The following FRS2 variants were observed in gnomAD, a reference collection of about 807,000 sequenced individuals.
The protein encoded by FRS2 is FGFR signalling adaptor.
FRS2 carries 8 observed loss-of-function variants against 43.9 expected under a neutral mutation model. That is an observed-to-expected ratio of 0.18 (90% confidence interval 0.11 to 0.33). The LOEUF is 0.33. FRS2 is among the 10% of genes least tolerant of loss of function. The pLI, the probability that FRS2 is intolerant of heterozygous loss-of-function variation, is 1.00. For synonymous variants in FRS2, 219 were observed against 220.3 expected (o/e 0.99, Z 0.05); for missense variants, 534 against 627.6 (o/e 0.85, Z 1.59).
intron 3 of FRS2, among the ~76,000 whole-genome samples, chr12:69,538,469 T>G (rs1877559097): frequency 6.6e-6 from 1 of 151,948 alleles, no homozygotes; most frequent in African/African-American, 2.4e-5. Context: ...TTTATATGTT[T>G]AAGCTAAAAT....
At chr12:69,475,821 T>C (rs953988913) in intron 1 of FRS2, among the ~76,000 whole-genome samples, 1 of 152,218 alleles carries the variant, frequency 6.6e-6, no homozygotes, top group Non-Finnish European at 1.5e-5. Flanking sequence ...TGTCAGTTCA[T>C]GACAGAGTTT....
At chr12:69,517,177 G>C (rs1244773872) in intron 1 of FRS2, among the ~76,000 whole-genome samples, 3 of 152,190 alleles carry the variant, frequency 2.0e-5, no homozygotes, top group Non-Finnish European at 2.9e-5. Context: ...AACCACCACA[G>C]ATTGTCCACG....
chr12:69,565,213 G>A (rs1179015195), intron 4 of FRS2, among the ~76,000 whole-genome samples: 1 of 152,168 alleles, frequency 6.6e-6, no homozygotes, highest in Non-Finnish European at 1.5e-5. Context: ...ACATAGAAAA[G>A]GTACAGTAAG....
rs1343724598 is a variant in FRS2 at position 69,518,670 on chromosome 12, C to T, written c.-260-12195C>T. 2.0e-5 allele frequency among the ~76,000 whole-genome samples: 3 copies of T among 149,790 alleles called. No individual in the cohort carries two copies. In the Admixed American group the frequency reaches 2.0e-4, roughly 10 times the overall value. On this transcript the variant is annotated intron_variant, in intron 1 of 8. Coordinates refer to ENST00000549921, the MANE Select transcript of FRS2 (RefSeq NM_001278356.2). ...TCGAGGCTGCAGTGAGCAGAGATGG[C>T]GCCACTGCACTCCAGCCTAGTTGAC...
chr12:69,540,828 C>T (rs2135703198), intron 3 of FRS2, among the ~76,000 whole-genome samples: 1 of 152,266 alleles, frequency 6.6e-6, no homozygotes, highest in South Asian at 2.1e-4. Context: ...TAGTGTGTTT[C>T]AAGGGCTATG....
intron 1 of FRS2, among the ~76,000 whole-genome samples, chr12:69,495,711 G>T (rs2121006023): frequency 6.6e-6 from 1 of 152,306 alleles, no homozygotes; most frequent in Non-Finnish European, 1.5e-5. Context: ...AACATAGCAA[G>T]ACACTGTCTC....
chr12:69,539,073 T>TTTTTG (rs888126552), intron 3 of FRS2, among the ~76,000 whole-genome samples: 13 of 152,120 alleles, frequency 8.5e-5, no homozygotes, highest in South Asian at 4.2e-4. Context: ...GATTTCAAGG[T>TTTTTG]TTTTGTTTTG....
chr12:69,492,045 CTA>C (rs1466596459), intron 1 of FRS2, among the ~76,000 whole-genome samples: 3 of 152,098 alleles, frequency 2.0e-5, no homozygotes, highest in Non-Finnish European at 4.4e-5. Context: ...TTTATTTTCT[CTA>C]TTTTTATTAA....
intron 1 of FRS2, among the ~76,000 whole-genome samples, chr12:69,512,297 A>G (rs1205980501): frequency 1.3e-5 from 2 of 152,144 alleles, no homozygotes; most frequent in African/African-American, 4.8e-5. Context: ...ACTCTTTATA[A>G]CAGGGTAGTA....
At chr12:69,519,656 G>T (rs548076860) in intron 1 of FRS2, among the ~76,000 whole-genome samples, 3 of 152,252 alleles carry the variant, frequency 2.0e-5, no homozygotes, top group East Asian at 3.9e-4. Flanking sequence ...AGAACATGGG[G>T]TATTTGGTTT....
intron 1 of FRS2, among the ~76,000 whole-genome samples, chr12:69,495,729 T>G (rs1872818884): frequency 6.6e-6 from 1 of 152,094 alleles, no homozygotes; most frequent in Non-Finnish European, 1.5e-5. Context: ...CTCTACAAAA[T>G]AGCAACAACA....
intron 4 of FRS2, among the ~76,000 whole-genome samples, chr12:69,565,590 A>AT (rs1029556931): frequency 3.3e-5 from 5 of 151,464 alleles, no homozygotes; most frequent in African/African-American, 9.7e-5. Context: ...AAAATTTTTA[A>AT]TTTTTTTTTA....
At chr12:69,541,555 G>A (rs1877902711) in intron 3 of FRS2, among the ~76,000 whole-genome samples, 1 of 152,136 alleles carries the variant, frequency 6.6e-6, no homozygotes, top group Non-Finnish European at 1.5e-5. Context: ...GCCAGGTGCA[G>A]TGGCTCACAC....
intron 1 of FRS2, among the ~76,000 whole-genome samples, chr12:69,526,005 A>G (rs1246355843): frequency 1.3e-5 from 2 of 152,006 alleles, no homozygotes; most frequent in Admixed American, 6.6e-5. Flanking sequence ...GATTACAGGC[A>G]TGCACCACCA....
intron 1 of FRS2, among the ~76,000 whole-genome samples, chr12:69,489,164 C>G (rs528347726): frequency 6.6e-6 from 1 of 152,252 alleles, no homozygotes; most frequent in East Asian, 1.9e-4. Context: ...TCAAATACAG[C>G]ATGTACTCTT....
chr12:69,556,390 T>C (rs2135755203), intron 3 of FRS2, among the ~76,000 whole-genome samples: 1 of 152,098 alleles, frequency 6.6e-6, no homozygotes, highest in East Asian at 1.9e-4. Context: ...TGGAGTGCAA[T>C]GGCGAGATCT....
Position 69,470,520 on chromosome 12 carries a change from C to G in FRS2, c.-271C>G. 1 of 398,642 alleles carries G rather than the reference C, an allele frequency of 2.5e-6. No individual in the cohort carries two copies. Among genetic ancestry groups the G allele is most frequent in the Non-Finnish European group, 4.4e-6 (1 of 226,104 alleles). The allele number at this position is 398,642 out of a possible 1,614,324, so 24.7% of individuals were successfully genotyped here. A position where few individuals can be genotyped will look rare whatever the true frequency, so the allele number is the denominator to read the frequency against. On this transcript the variant is annotated 5_prime_UTR_variant, in exon 1 of 9. Transcript: ENST00000549921. ...CCCGCGCCCTGCTCCCTCTCAGCAC[C>G]TGGGCGGACGGTGAGTGGCTAGGGA...
In FRS2 at chr12:69,511,652, GAT is replaced by G. The variant is rs1874466333; in HGVS notation, c.-260-19212_-260-19211del. On this transcript the variant is annotated intron_variant, in intron 1 of 8. Transcript: ENST00000549921. ...GATTAGGTCAGTCGTTGAGTTCTAT[GAT>G]CCATTACAAAGGAATGGTAAACTGC... Among the ~76,000 whole-genome samples, 4 of 152,132 alleles carry G rather than the reference GAT, an allele frequency of 2.6e-5. No individual in the cohort carries two copies. In the South Asian group the frequency reaches 8.3e-4, roughly 31 times the overall value.
intron 1 of FRS2, among the ~76,000 whole-genome samples, chr12:69,482,956 A>G (rs572151040): frequency 6.6e-6 from 1 of 152,148 alleles, no homozygotes; most frequent in East Asian, 1.9e-4. Context: ...TACAGGGCTC[A>G]TTTTACATTC....
Sources: allele counts gnomAD v4.1 joint callset (sites outside exome capture counted in the v4.1 genomes callset), GRCh38; gene constraint gnomAD v4.1.1; transcripts MANE v1.5; gene names NCBI Gene and HGNC (gene_info 2026-07-23, HGNC 2026-07-21).